SUPT7L: variants seen among roughly 807,000 people sequenced by gnomAD.
SUPT7L encodes the protein STAGA complex 65 subunit gamma.
SUPT7L carries 15 observed loss-of-function variants against 35.7 expected under a neutral mutation model. That is an observed-to-expected ratio of 0.42 (90% CI 0.28 to 0.65). The LOEUF is 0.65. SUPT7L is among the 30% of genes least tolerant of loss of function. The pLI, the probability that SUPT7L is intolerant of heterozygous loss-of-function variation, is 0.23. For synonymous variants in SUPT7L, 168 were observed against 186.2 expected, an observed-to-expected ratio of 0.90 and a Z score of 0.79; for missense variants, 434 against 522.2, an observed-to-expected ratio of 0.83 and a Z score of 1.65.
downstream of SUPT7L, among the ~76,000 whole-genome samples, chr2:27,647,578 A>C (rs1283278898): frequency 6.6e-6 from 1 of 152,236 alleles, no homozygotes; most frequent in Non-Finnish European, 1.5e-5. Context: ...GCTACTAGTA[A>C]GACAAGCTTC....
rs552814270 is a variant in SUPT7L at position 27,662,249 on chromosome 2, T to C, written c.-57A>G. ...TTTATCAAATGCCAGGCATTCTGTG[T>C]CGGTCAAAGACTGATAATGTGAGAT... On this transcript the variant is annotated 5_prime_UTR_variant, in exon 2 of 6. Transcript: ENST00000337768. 6.3e-7 allele frequency: 1 copy of C among 1,584,350 alleles called. No homozygotes were observed. The highest frequency in any genetic ancestry group is 8.7e-7 in the Non-Finnish European group (1 of 1,152,820).
chr2:27,653,808 AAG>A (rs1674670276), intron 5 of SUPT7L, 61 bp from the exon 6 acceptor site: 1 of 1,595,890 alleles, frequency 6.3e-7, no homozygotes, highest in Non-Finnish European at 8.6e-7. Flanking sequence ...GTGTAGAACA[AAG>A]AGTAAATATA....
At chr2:27,642,958 T>TACAC in the SUPT7L span, among the ~76,000 whole-genome samples, 1,888 of 122,616 alleles carry the variant, frequency 0.015, 20 homozygotes, top group African/African-American at 0.024. Context: ...TATATATATA[T>TACAC]ACACACACAC....
At chr2:27,661,606 A>G (rs945277467) in intron 2 of SUPT7L, 1 of 1,398,080 alleles carries the variant, frequency 7.2e-7, no homozygotes. Context: ...TTCTCCCTAA[A>G]TAAATTAAGA....
chr2:27,661,576 A>C (rs1040197254), intron 2 of SUPT7L, 188 bp from the exon 3 acceptor site: 1 of 1,428,348 alleles, frequency 7.0e-7, no homozygotes, highest in Admixed American at 3.0e-5. Flanking sequence ...AGTGTCAGCA[A>C]AACTGTAGGA....
At chr2:27,646,967 G>A (rs1481025254), downstream of SUPT7L, among the ~76,000 whole-genome samples, 1 of 152,214 alleles carries the variant, frequency 6.6e-6, no homozygotes. Context: ...AACTACTGCT[G>A]CAAAGGGTCT....
Position 27,657,737 on chromosome 2 carries a change from G to T in SUPT7L, c.420-68C>A. Reference sequence around the variant, plus strand: ...GGGGTGACCCCTCCTGTCTTCCCCAGGAGTTTTACAATTCCAGTCAAGCCA... The same window carrying T: ...GGGGTGACCCCTCCTGTCTTCCCCATGAGTTTTACAATTCCAGTCAAGCCA... On this transcript the variant is annotated intron_variant, in intron 3 of 5. Coordinates refer to ENST00000337768, the MANE Select transcript of SUPT7L (RefSeq NM_014860.3). The surrounding 1 kb of genome is among the most constrained non-coding windows in gnomAD (Gnocchi z 5.2). The T allele has an allele frequency of 6.9e-7, 1 of 1,441,094 alleles. No individual in the cohort carries two copies. The highest frequency in any genetic ancestry group is 1.4e-5 in the South Asian group (1 of 71,940). The allele number at this position is 1,441,094 out of a possible 1,614,324, so 89.3% of individuals were successfully genotyped here. A position where few individuals can be genotyped will look rare whatever the true frequency, so the allele number is the denominator to read the frequency against.
chr2:27,642,952 TATATATACACACAC>T, the SUPT7L span, among the ~76,000 whole-genome samples: 1 of 37,986 alleles, frequency 2.6e-5, no homozygotes, highest in African/African-American at 5.1e-5. Flanking sequence ...TTTATATATA[TATATATACACACAC>T]ACACACACAC....
downstream of SUPT7L, chr2:27,647,820 G>A: frequency 1.4e-6 from 2 of 1,464,734 alleles, no homozygotes; most frequent in Non-Finnish European, 1.9e-6. Flanking sequence ...ATCACTGATA[G>A]GTGTTTTCAC....
Position 27,655,614 on chromosome 2 carries a change from C to G in SUPT7L, c.745-12G>C, listed in dbSNP as rs747966676. Reference sequence around the variant, plus strand: ...AGTTGCTTACTAATCTGTTGGCAAGCAAGAGTCAATTTTCCAAGGAAATGT... The same window carrying G: ...AGTTGCTTACTAATCTGTTGGCAAGGAAGAGTCAATTTTCCAAGGAAATGT... On this transcript the variant is annotated splice_polypyrimidine_tract_variant and intron_variant, in intron 4 of 5. Coordinates refer to ENST00000337768, the MANE Select transcript of SUPT7L (RefSeq NM_014860.3). The G allele has an allele frequency of 7.7e-6, 12 of 1,550,752 alleles. No homozygotes were observed. The Admixed American group carries it at 1.2e-4, about 16-fold the overall frequency.
chr2:27,654,729 G>C (rs1188016240), intron 5 of SUPT7L, among the ~76,000 whole-genome samples: 1 of 152,126 alleles, frequency 6.6e-6, no homozygotes, highest in African/African-American at 2.4e-5. Context: ...ACCACGCCCA[G>C]CATATTTTTT....
downstream of SUPT7L, chr2:27,647,757 A>G: frequency 2.5e-6 from 2 of 809,190 alleles, no homozygotes; most frequent in South Asian, 2.9e-5. Flanking sequence ...TCATCCTGCC[A>G]GTTTATGATC....
downstream of SUPT7L, chr2:27,650,148 A>C (rs1042019758): frequency 6.2e-7 from 1 of 1,608,588 alleles, no homozygotes; most frequent in Non-Finnish European, 8.5e-7. Flanking sequence ...CCAGCATTCC[A>C]GAATTTTATG....
At chr2:27,647,414 C>A (rs1054901416), downstream of SUPT7L, among the ~76,000 whole-genome samples, 1 of 152,168 alleles carries the variant, frequency 6.6e-6, no homozygotes, top group African/African-American at 2.4e-5. Context: ...TTTCTGCAGA[C>A]CTTCTCTGAA....
At chr2:27,650,235 C>A, downstream of SUPT7L, 1 of 1,308,680 alleles carries the variant, frequency 7.6e-7, no homozygotes. Context: ...TTCTAGAAGT[C>A]CAGAATTTTG....
chr2:27,661,712 G>T, intron 2 of SUPT7L: 1 of 929,220 alleles, frequency 1.1e-6, no homozygotes, highest in Non-Finnish European at 1.4e-6. Flanking sequence ...TGGACCAATA[G>T]CTACAACAGC....
At chr2:27,649,427 G>C (rs1291881496), downstream of SUPT7L, among the ~76,000 whole-genome samples, 7 of 149,544 alleles carry the variant, frequency 4.7e-5, no homozygotes, top group Non-Finnish European at 4.5e-5. Context: ...TGAGTATATA[G>C]TTTGATGAGC....
chr2:27,650,227 C>T, downstream of SUPT7L: 2 of 1,366,570 alleles, frequency 1.5e-6, no homozygotes, highest in East Asian at 2.3e-5. Context: ...TCACTTGTTT[C>T]TAGAAGTCCA....
intron 3 of SUPT7L, among the ~76,000 whole-genome samples, chr2:27,659,259 C>G (rs904884643): frequency 1.3e-5 from 2 of 152,162 alleles, no homozygotes; most frequent in Admixed American, 1.3e-4. Flanking sequence ...TTCACCTGGC[C>G]CAACTGCAAT....
Sources: gnomAD v4.1 joint callset for allele counts (sites outside exome capture counted in the v4.1 genomes callset) on GRCh38, gnomAD v4.1.1 for gene constraint, Gnocchi (gnomAD v3.1) non-coding constraint, MANE v1.5 for transcripts, NCBI Gene and HGNC (gene_info 2026-07-23, HGNC 2026-07-21) for gene names.